NRXN3: variants seen among roughly 807,000 people sequenced by gnomAD.
NRXN3 encodes neurexin 3.
Under a neutral mutation model 137.6 loss-of-function variants are expected in NRXN3, and 32 were observed. That is an observed-to-expected ratio of 0.23 (90% confidence interval 0.18 to 0.31). The LOEUF (loss-of-function observed/expected upper bound fraction) is 0.31. Ranked by LOEUF, NRXN3 falls within the 10% of genes least tolerant of loss-of-function variation. The probability of loss-of-function intolerance (pLI) is 1.00; values close to 1 mark genes in which losing one functional copy is unlikely to be tolerated. For missense variants in NRXN3, 1,574 were observed against 2,062.5 expected (o/e 0.76, Z 4.59); for synonymous variants, 798 against 784.5 (o/e 1.02, Z -0.29).
chr14:78,598,413 T>C (rs998424182), intron 4 of NRXN3, among the ~76,000 whole-genome samples: 14 of 152,130 alleles, frequency 9.2e-5, no homozygotes, highest in Admixed American at 5.2e-4. Context: ...TCATCCTTCC[T>C]ATTTCTGGAA....
chr14:79,629,361 C>G (rs374865430), intron 16 of NRXN3, among the ~76,000 whole-genome samples: 1 of 152,238 alleles, frequency 6.6e-6, no homozygotes, highest in African/African-American at 2.4e-5. Flanking sequence ...GCTCATCTTC[C>G]CTTACACTTG....
At chr14:78,794,636 A>T (rs55762332) in intron 8 of NRXN3, among the ~76,000 whole-genome samples, 48 of 142,316 alleles carry the variant, frequency 3.4e-4, no homozygotes, top group African/African-American at 1.3e-3. Context: ...GTGTGTGTGT[A>T]TATAATATAT....
At chr14:79,166,916 T>C (rs896582405) in intron 15 of NRXN3, among the ~76,000 whole-genome samples, 2 of 152,010 alleles carry the variant, frequency 1.3e-5, no homozygotes, top group Admixed American at 1.3e-4. Context: ...ACACAGTAGG[T>C]GCTCAGAAAA....
intron 15 of NRXN3, among the ~76,000 whole-genome samples, chr14:79,441,137 G>GA (rs2095934772): frequency 6.6e-6 from 1 of 152,044 alleles, no homozygotes; most frequent in Admixed American, 6.6e-5. Context: ...CCCTTGTTAG[G>GA]AAAATCACCT....
intron 20 of NRXN3, among the ~76,000 whole-genome samples, chr14:79,805,965 AATGTCCAGCAGGCAATTGCAGTCCC>A (rs2099203339): frequency 6.6e-6 from 1 of 152,278 alleles, no homozygotes; most frequent in African/African-American, 2.4e-5. Context: ...CATATGACCT[AATGTCCAGCAGGCAATTGCAGTCCC>A]TGATTATTTC....
At chr14:79,767,196 G>T (rs1359822826) in intron 19 of NRXN3, among the ~76,000 whole-genome samples, 3 of 152,150 alleles carry the variant, frequency 2.0e-5, no homozygotes, top group Admixed American at 1.3e-4. Context: ...TTCTTCACTA[G>T]GTCTGCCTTC....
chr14:79,184,352 A>G (rs2063274615), intron 15 of NRXN3, among the ~76,000 whole-genome samples: 1 of 152,222 alleles, frequency 6.6e-6, no homozygotes, highest in Non-Finnish European at 1.5e-5. Context: ...AGATATAAAG[A>G]AAAAGATTCC....
intron 6 of NRXN3, among the ~76,000 whole-genome samples, chr14:78,706,252 A>G (rs1407158637): frequency 6.6e-6 from 1 of 152,230 alleles, no homozygotes; most frequent in East Asian, 1.9e-4. Context: ...GAGTTCTCAC[A>G]TGCTAAGGTA....
intron 8 of NRXN3, among the ~76,000 whole-genome samples, chr14:78,776,632 A>C (rs2098745758): frequency 6.6e-6 from 1 of 152,112 alleles, no homozygotes; most frequent in Admixed American, 6.5e-5. Context: ...TCTAAAACAA[A>C]ATGTTGGTCA....
rs1232220054 is a variant in NRXN3 at position 78,614,988 on chromosome 14, C to A, written c.758-30132C>A. On this transcript the variant is annotated intron_variant, in intron 4 of 20. Transcript: ENST00000335750. ...GGTGTTAGGCCCGGGAAGAACAGAG[C>A]CTAAATGCACCCCTCTACCCACTTC... The A allele has an allele frequency of 6.6e-6, 3 of 456,568 alleles. No homozygotes were observed. In the Admixed American group the frequency reaches 7.0e-5, roughly 11 times the overall value. The allele number at this position is 456,568 out of a possible 1,614,324, so 28.3% of individuals were successfully genotyped here.
intron 15 of NRXN3, among the ~76,000 whole-genome samples, chr14:79,092,670 T>C (rs572015096): frequency 7.2e-5 from 11 of 152,210 alleles, no homozygotes; most frequent in South Asian, 2.1e-4. Flanking sequence ...TGCTTCTAGA[T>C]TGTAGTGAAT....
chr14:78,389,284 C>T (rs908606043), intron 4 of NRXN3, among the ~76,000 whole-genome samples: 2 of 152,030 alleles, frequency 1.3e-5, no homozygotes, highest in African/African-American at 4.8e-5. Context: ...TTGAACTCCT[C>T]ACCTCAGGTG....
At chr14:79,441,187 GTTTCTTTT>G (rs979246534) in intron 15 of NRXN3, among the ~76,000 whole-genome samples, 6 of 151,732 alleles carry the variant, frequency 4.0e-5, no homozygotes, top group African/African-American at 1.5e-4. Flanking sequence ...AGAGCACAGT[GTTTCTTTT>G]TTTTTAAATA....
intron 15 of NRXN3, among the ~76,000 whole-genome samples, chr14:79,460,867 G>T (rs921387399): frequency 5.9e-5 from 9 of 152,132 alleles, no homozygotes; most frequent in African/African-American, 2.2e-4. Context: ...GAAAAAGAAT[G>T]TTCTTAAAAA....
intron 4 of NRXN3, among the ~76,000 whole-genome samples, chr14:78,496,527 T>C (rs532574624): frequency 9.4e-4 from 143 of 152,232 alleles, no homozygotes; most frequent in Non-Finnish European, 1.6e-3. Context: ...TGCCAGACAC[T>C]GTTTTAGGAA....
chr14:78,712,286 G>T (rs1170360688), intron 7 of NRXN3, among the ~76,000 whole-genome samples: 2 of 152,154 alleles, frequency 1.3e-5, no homozygotes, highest in African/African-American at 4.8e-5. Context: ...TTCCTCCTTT[G>T]TAAGATAGAG....
At chr14:78,293,641 CT>C (rs1224966856) in intron 3 of NRXN3, among the ~76,000 whole-genome samples, 10 of 152,190 alleles carry the variant, frequency 6.6e-5, no homozygotes, top group South Asian at 2.1e-4. Context: ...CTCTTTCCCC[CT>C]GATCCATCTC....
At chr14:78,542,296 G>A (rs2096597701) in intron 4 of NRXN3, among the ~76,000 whole-genome samples, 1 of 152,196 alleles carries the variant, frequency 6.6e-6, no homozygotes, top group African/African-American at 2.4e-5. Context: ...GGAGTGTAGA[G>A]GTGGAGTCTA....
At chr14:79,487,868 A>G (rs577673018) in intron 16 of NRXN3, among the ~76,000 whole-genome samples, 186 of 152,310 alleles carry the variant, frequency 1.2e-3, no homozygotes, top group Non-Finnish European at 2.1e-3. Flanking sequence ...TGAGTGTTAC[A>G]ACACATTAGA....
Sources: gnomAD v4.1 joint callset for allele counts (sites outside exome capture counted in the v4.1 genomes callset) on GRCh38, gnomAD v4.1.1 for gene constraint, MANE v1.5 for transcripts, NCBI Gene and HGNC (gene_info 2026-07-23, HGNC 2026-07-21) for gene names.